LPP: variants seen among roughly 807,000 people sequenced by gnomAD.
The protein encoded by LPP is lipoma-preferred partner.
LPP carries 38 observed loss-of-function variants against 60.4 expected under a neutral mutation model. The ratio of observed to expected loss-of-function variants is 0.63; its 90% CI spans 0.49 to 0.83. The LOEUF (loss-of-function observed/expected upper bound fraction) is 0.83, where lower values mean the gene tolerates loss of function less well. Among genes scored for constraint, LPP ranks in the 40% least tolerant of loss-of-function variants. The probability of loss-of-function intolerance (pLI) is 0.00; values close to 1 mark genes in which losing one functional copy is unlikely to be tolerated. For synonymous variants in LPP, 328 were observed against 290.8 expected (o/e 1.13, Z -1.30); for missense variants, 902 against 783.6 (o/e 1.15, Z -1.80).
chr3:188,279,366 A>G (rs1741133508), intron 2 of LPP, among the ~76,000 whole-genome samples: 1 of 152,186 alleles, frequency 6.6e-6, no homozygotes, highest in Non-Finnish European at 1.5e-5. Flanking sequence ...CCCCCATTGT[A>G]TTAAATATAA....
chr3:188,156,860 A>G (rs1487104745), intron 1 of LPP, among the ~76,000 whole-genome samples: 1 of 147,350 alleles, frequency 6.8e-6, no homozygotes, highest in African/African-American at 2.6e-5. Context: ...CACCCCCCCA[A>G]GAAAAATAAT....
rs57565042 is a variant in LPP, at chr3:188,786,382, CAAAAAAAAAAAA to C, written c.1410+26118_1410+26129del. Among the ~76,000 whole-genome samples, 80 of 76,650 alleles carry C rather than the reference CAAAAAAAAAAAA, an allele frequency of 1.0e-3. 1 individual carries two copies. Among genetic ancestry groups the C allele is most frequent in the South Asian group, 2.1e-3 (5 of 2,418 alleles). 50.3% of individuals were successfully genotyped at this position (76,650 alleles called of 152,430 possible). On this transcript the variant is annotated intron_variant, in intron 9 of 11. Transcript: ENST00000617246. Reference sequence around the variant, plus strand: ...TGGGCAACAGCGTGAGACTCCGTCTCAAAAAAAAAAAAAAAAAAAAAAAAAAAAACCAACCAT... The same window carrying C: ...TGGGCAACAGCGTGAGACTCCGTCTCAAAAAAAAAAAAAAAAACCAACCAT...
At chr3:188,686,795 A>G (rs191465235) in intron 7 of LPP, among the ~76,000 whole-genome samples, 20 of 152,334 alleles carry the variant, frequency 1.3e-4, no homozygotes, top group Admixed American at 8.5e-4. Context: ...AGCACTCAAC[A>G]AGTGTGCATC....
intron 9 of LPP, among the ~76,000 whole-genome samples, chr3:188,840,040 T>C (rs1759532652): frequency 6.6e-6 from 1 of 152,176 alleles, no homozygotes; most frequent in Non-Finnish European, 1.5e-5. Flanking sequence ...AATGGTATTA[T>C]TCCAGTCTTA....
intron 6 of LPP, among the ~76,000 whole-genome samples, chr3:188,599,153 C>T (rs746445872): frequency 3.3e-5 from 5 of 152,052 alleles, no homozygotes; most frequent in Admixed American, 2.6e-4. Flanking sequence ...TACCCATATT[C>T]ATTCTAGGAA....
At chr3:188,256,501 A>G (rs1731720273) in intron 2 of LPP, among the ~76,000 whole-genome samples, 1 of 152,162 alleles carries the variant, frequency 6.6e-6, no homozygotes, top group Non-Finnish European at 1.5e-5. Context: ...ACCATTTTTA[A>G]CTTTTAGTTA....
chr3:188,859,361 C>A (rs1764626183), intron 9 of LPP, among the ~76,000 whole-genome samples: 1 of 152,086 alleles, frequency 6.6e-6, no homozygotes, highest in African/African-American at 2.4e-5. Flanking sequence ...GAGTCATAGA[C>A]CACCACCATA....
intron 7 of LPP, among the ~76,000 whole-genome samples, chr3:188,684,843 C>T (rs1860330453): frequency 6.6e-6 from 1 of 152,022 alleles, no homozygotes; most frequent in Non-Finnish European, 1.5e-5. Flanking sequence ...TAGCCAAAGA[C>T]TCTTTTGTTG....
chr3:188,552,003 C>T (rs1206491982), intron 6 of LPP, among the ~76,000 whole-genome samples: 7 of 58,770 alleles, frequency 1.2e-4, no homozygotes, highest in African/African-American at 2.7e-4. Context: ...TTAACAACAA[C>T]AAACAAACAA....
At chr3:188,416,177 G>T (rs558032398) in intron 4 of LPP, among the ~76,000 whole-genome samples, 6 of 152,228 alleles carry the variant, frequency 3.9e-5, no homozygotes, top group African/African-American at 1.4e-4. Flanking sequence ...TACTCAAAGT[G>T]CTATCTTACA....
chr3:188,315,899 G>A (rs1754895085), intron 2 of LPP, among the ~76,000 whole-genome samples: 1 of 152,158 alleles, frequency 6.6e-6, no homozygotes, highest in Non-Finnish European at 1.5e-5. Context: ...TACCTTTTTA[G>A]GTCATGATAT....
chr3:188,272,229 C>T (rs551515399), intron 2 of LPP, among the ~76,000 whole-genome samples: 35 of 152,266 alleles, frequency 2.3e-4, no homozygotes, highest in African/African-American at 8.4e-4. Context: ...CCTTGAAGGC[C>T]TCTTCTAGCT....
chr3:188,466,819 A>C (rs1246711053), intron 4 of LPP, among the ~76,000 whole-genome samples: 5 of 115,470 alleles, frequency 4.3e-5, no homozygotes, highest in Admixed American at 2.6e-4. Context: ...ATATATATAT[A>C]TATATATATA....
intron 2 of LPP, among the ~76,000 whole-genome samples, chr3:188,320,735 C>G (rs1012487592): frequency 6.6e-6 from 1 of 152,174 alleles, no homozygotes; most frequent in African/African-American, 2.4e-5. Flanking sequence ...TCATCTCTTT[C>G]TTTCAGTAGC....
chr3:188,755,739 G>T (rs1228254961), intron 8 of LPP, among the ~76,000 whole-genome samples: 1 of 147,468 alleles, frequency 6.8e-6, no homozygotes, highest in African/African-American at 2.5e-5. Context: ...GAGCCCAGGA[G>T]TTCAAGGGTG....
At chr3:188,248,497 T>TATATATATATATATATACAC in intron 2 of LPP, among the ~76,000 whole-genome samples, 1 of 140,728 alleles carries the variant, frequency 7.1e-6, no homozygotes, top group Admixed American at 7.0e-5. Flanking sequence ...TATATATATA[T>TATATATATATATATATACAC]ACAGTCAGCA....
At position 188,462,632 on chromosome 3, in the gene LPP, GTGTTAC is replaced by G. The variant is rs1393146146; in HGVS notation, c.194-21958_194-21953del. ...TGTGTGTGTGTGTGTGTGTGTGTGTGTGTTACTTTTTTGGGTGTTTATTTTTAATTT... is the reference window on the plus strand; with the variant it reads ...TGTGTGTGTGTGTGTGTGTGTGTGTGTTTTTTGGGTGTTTATTTTTAATTT... On this transcript the variant is annotated intron_variant, in intron 4 of 11. Coordinates refer to ENST00000617246, the MANE Select transcript of LPP (RefSeq NM_001375462.1). Among the ~76,000 whole-genome samples the G allele has an allele frequency of 3.8e-3, 235 of 62,528 alleles. 1 individual carries two copies. The highest frequency in any genetic ancestry group is 8.6e-3 in the Middle Eastern group (1 of 116). 41.0% of individuals were successfully genotyped at this position (62,528 alleles called of 152,430 possible).
rs1452638347 is a variant in LPP, at chr3:188,882,901, G to A, written c.*8422G>A. ...CTACAGACGCCCGCCACCGCGCCCA[G>A]CTAATTTTTTTTGTACTTTTAGTAG... On this transcript the variant is annotated 3_prime_UTR_variant, in exon 12 of 12. Coordinates refer to ENST00000617246, the MANE Select transcript of LPP (RefSeq NM_001375462.1). The A allele has an allele frequency of 1.1e-5, 2 of 181,714 alleles. No homozygotes were observed. Among genetic ancestry groups the A allele is most frequent in the Non-Finnish European group, 2.3e-5 (2 of 85,350 alleles). The allele number at this position is 181,714 out of a possible 1,614,324, so 11.3% of individuals were successfully genotyped here. A position where few individuals can be genotyped will look rare whatever the true frequency, so the allele number is the denominator to read the frequency against.
chr3:188,765,945 A>G, intron 9 of LPP, among the ~76,000 whole-genome samples: 1 of 132,560 alleles, frequency 7.5e-6, no homozygotes, highest in Non-Finnish European at 1.5e-5. Flanking sequence ...ATCTTGGCTC[A>G]CTGCAATCTC....
Sources: allele counts gnomAD v4.1 joint callset (sites outside exome capture counted in the v4.1 genomes callset), GRCh38; gene constraint gnomAD v4.1.1; transcripts MANE v1.5; gene names NCBI Gene and HGNC (gene_info 2026-07-23, HGNC 2026-07-21).